IGSF21: variants seen among roughly 807,000 people sequenced by gnomAD.
IGSF21 encodes the protein immunoglobin superfamily member 21, also known as immunoglobulin superfamily member 21.
IGSF21 carries 28 observed loss-of-function variants against 46.8 expected under a neutral mutation model. That is an observed-to-expected ratio of 0.60 (90% CI 0.44 to 0.82). The LOEUF is 0.82. Among genes scored for constraint, IGSF21 ranks in the 40% least tolerant of loss-of-function variants. IGSF21 has a pLI of 0.00. For synonymous variants in IGSF21, 284 were observed against 273.6 expected, an observed-to-expected ratio of 1.04 and a Z score of -0.38; for missense variants, 624 against 665.5, an observed-to-expected ratio of 0.94 and a Z score of 0.69.
At chr1:18,197,886 A>C (rs1343969599) in intron 1 of IGSF21, among the ~76,000 whole-genome samples, 2 of 152,192 alleles carry the variant, frequency 1.3e-5, no homozygotes, top group African/African-American at 4.8e-5. Flanking sequence ...ACTGTGTCTT[A>C]GCTGTGCTGA....
intron 2 of IGSF21, among the ~76,000 whole-genome samples, chr1:18,275,304 C>T (rs868335049): frequency 1.1e-4 from 16 of 152,238 alleles, no homozygotes; most frequent in Middle Eastern, 6.8e-3. Context: ...TGGGGCTTGG[C>T]GTCTCCAATC....
At chr1:18,326,699 C>A (rs976005995) in intron 3 of IGSF21, among the ~76,000 whole-genome samples, 5 of 152,206 alleles carry the variant, frequency 3.3e-5, no homozygotes, top group Non-Finnish European at 5.9e-5. Flanking sequence ...GGCAAGGATG[C>A]AAAACCACAC....
chr1:18,200,931 C>T (rs773509641), intron 1 of IGSF21, among the ~76,000 whole-genome samples: 6 of 152,152 alleles, frequency 3.9e-5, no homozygotes, highest in Non-Finnish European at 7.3e-5. Flanking sequence ...TCTTCTGCTG[C>T]GCTATCCTGT....
intron 1 of IGSF21, among the ~76,000 whole-genome samples, chr1:18,194,013 T>C (rs1173407481): frequency 1.3e-5 from 2 of 152,188 alleles, no homozygotes; most frequent in Non-Finnish European, 2.9e-5. Flanking sequence ...CTGGAGATTC[T>C]GTGGTTTTAT....
At chr1:18,250,060 C>G in intron 2 of IGSF21, among the ~76,000 whole-genome samples, 1 of 131,244 alleles carries the variant, frequency 7.6e-6, no homozygotes, top group African/African-American at 2.9e-5. Context: ...CCTCCCCTCC[C>G]TCCTCCCTCC....
At chr1:18,276,929 G>T (rs74937770) in intron 2 of IGSF21, among the ~76,000 whole-genome samples, 2,069 of 152,256 alleles carry the variant, frequency 0.014, 52 homozygotes, top group African/African-American at 0.047. Flanking sequence ...CAAATTATCA[G>T]AACTTTTATA....
chr1:18,281,870 C>T (rs574717936), intron 2 of IGSF21, among the ~76,000 whole-genome samples: 21 of 152,210 alleles, frequency 1.4e-4, no homozygotes, highest in African/African-American at 4.1e-4. Context: ...GTTCAGCCCT[C>T]GGTGAACCTG....
At chr1:18,170,229 G>A (rs2086723628) in intron 1 of IGSF21, among the ~76,000 whole-genome samples, 1 of 152,162 alleles carries the variant, frequency 6.6e-6, no homozygotes, top group Admixed American at 6.5e-5. Flanking sequence ...AGGGGCAGGG[G>A]AGGAAGTGAG....
chr1:18,166,638 G>A (rs201518928), intron 1 of IGSF21, among the ~76,000 whole-genome samples: 1 of 152,176 alleles, frequency 6.6e-6, no homozygotes, highest in African/African-American at 2.4e-5. Context: ...ATAACAGCTC[G>A]TATTTATCAA....
At chr1:18,329,373 G>A (rs1238902906) in intron 3 of IGSF21, among the ~76,000 whole-genome samples, 2 of 152,172 alleles carry the variant, frequency 1.3e-5, no homozygotes, top group African/African-American at 4.8e-5. Flanking sequence ...GCTCAAAGAA[G>A]CCAAAGGACC....
intron 2 of IGSF21, among the ~76,000 whole-genome samples, chr1:18,273,331 A>ATCCCT (rs2085061716): frequency 3.7e-5 from 2 of 54,140 alleles, no homozygotes; most frequent in African/African-American, 7.3e-5. Flanking sequence ...ATGAGCCACC[A>ATCCCT]TTCCTTTCCT....
intron 1 of IGSF21, among the ~76,000 whole-genome samples, chr1:18,193,351 G>A (rs2086976403): frequency 6.6e-6 from 1 of 152,160 alleles, no homozygotes. Flanking sequence ...AGAACCATGG[G>A]AATCTGTATT....
At chr1:18,325,835 C>T (rs1348339208) in intron 3 of IGSF21, among the ~76,000 whole-genome samples, 1 of 152,194 alleles carries the variant, frequency 6.6e-6, no homozygotes, top group South Asian at 2.1e-4. Flanking sequence ...GAGGTTTGTG[C>T]TCTCACCCAG....
intron 1 of IGSF21, among the ~76,000 whole-genome samples, chr1:18,121,039 A>G (rs1432391416): frequency 2.0e-5 from 3 of 151,954 alleles, no homozygotes; most frequent in Non-Finnish European, 4.4e-5. Flanking sequence ...TCATCTTTCC[A>G]CCATCCCCAC....
chr1:18,150,560 G>A (rs563046989), intron 1 of IGSF21, among the ~76,000 whole-genome samples: 1 of 152,296 alleles, frequency 6.6e-6, no homozygotes, highest in South Asian at 2.1e-4. Flanking sequence ...AGGAATGCTG[G>A]CCTCCTTGGA....
chr1:18,259,662 C>T (rs977974416), intron 2 of IGSF21, among the ~76,000 whole-genome samples: 1 of 152,042 alleles, frequency 6.6e-6, no homozygotes, highest in African/African-American at 2.4e-5. Flanking sequence ...GGATGAGGCT[C>T]AAGGAGGAAG....
chr1:18,218,173 A>C (rs1278194308), intron 1 of IGSF21, among the ~76,000 whole-genome samples: 1 of 152,220 alleles, frequency 6.6e-6, no homozygotes, highest in Non-Finnish European at 1.5e-5. Flanking sequence ...TGGGAAACTT[A>C]CAATCATAGC....
intron 1 of IGSF21, among the ~76,000 whole-genome samples, chr1:18,199,462 C>A (rs942623307): frequency 6.6e-6 from 1 of 152,152 alleles, no homozygotes; most frequent in Non-Finnish European, 1.5e-5. Context: ...GACATCCAGG[C>A]GCCCCTCGGA....
At chr1:18,265,393 T>A (rs916929264) in intron 2 of IGSF21, among the ~76,000 whole-genome samples, 2 of 152,156 alleles carry the variant, frequency 1.3e-5, no homozygotes, top group Non-Finnish European at 2.9e-5. Context: ...GTGGAACTAG[T>A]GTTAATGTCA....
Sources: allele counts gnomAD v4.1 joint callset (sites outside exome capture counted in the v4.1 genomes callset), GRCh38; gene constraint gnomAD v4.1.1; transcripts MANE v1.5; gene names NCBI Gene and HGNC (gene_info 2026-07-23, HGNC 2026-07-21).